PBX4: variants seen among roughly 807,000 people sequenced by gnomAD.
PBX4 encodes the protein PBX homeobox 4.
In PBX4, 26 loss-of-function variants were observed where a neutral mutation model predicts 35.1. The observed-to-expected ratio is 0.74, with a 90% confidence interval of 0.54 to 1.03. The LOEUF (loss-of-function observed/expected upper bound fraction) is 1.03, where lower values mean the gene tolerates loss of function less well. Ranked by LOEUF, PBX4 falls within the 50% of genes least tolerant of loss-of-function variation. PBX4 has a pLI of 0.00. For synonymous variants in PBX4, 199 were observed against 204.2 expected, an observed-to-expected ratio of 0.97 and a Z score of 0.22; for missense variants, 448 against 504.3, an observed-to-expected ratio of 0.89 and a Z score of 1.07.
In PBX4 at chr19:19,570,850, G is replaced by A. The variant is rs771333215; in HGVS notation, c.194-17C>T. 7 of 1,607,230 alleles carry A rather than the reference G, an allele frequency of 4.4e-6. No individual in the cohort carries two copies. Among genetic ancestry groups the A allele is most frequent in the Middle Eastern group, 1.7e-4 (1 of 6,032 alleles). On this transcript the variant is annotated splice_polypyrimidine_tract_variant and intron_variant, in intron 2 of 7. Coordinates refer to ENST00000251203, the MANE Select transcript of PBX4 (RefSeq NM_025245.3). ...TGCTTACCACTAGATAAGAGAGACC[G>A]GGACAAGTCACAATTCATTTTCTGG... is the stretch of plus-strand genomic sequence containing the variant.
At chr19:19,602,175 G>A (rs2061601790) in intron 1 of PBX4, among the ~76,000 whole-genome samples, 1 of 152,144 alleles carries the variant, frequency 6.6e-6, no homozygotes, top group Non-Finnish European at 1.5e-5. Flanking sequence ...GCTCACGCCT[G>A]TAATCTCAGC....
rs2061322389 is a variant in PBX4, at chr19:19,563,637, G to C, written c.926-22C>G. 6.5e-7 allele frequency: 1 copy of C among 1,542,950 alleles called. No homozygotes were observed. Among genetic ancestry groups the C allele is most frequent in the Non-Finnish European group, 8.8e-7 (1 of 1,141,714 alleles). On this transcript the variant is annotated intron_variant, in intron 6 of 7. Coordinates refer to ENST00000251203, the MANE Select transcript of PBX4 (RefSeq NM_025245.3). The surrounding 1 kb of genome is among the most constrained non-coding windows in gnomAD (Gnocchi z 5.1). The stretch of plus-strand genomic sequence containing the variant: ...GAGCCTGGAAGAGATGGGAGCCGGG[G>C]TGGGCAGAGTCGTGGCGCCTCCTCA...
At chr19:19,597,943 A>C (rs547069932) in intron 2 of PBX4, among the ~76,000 whole-genome samples, 1 of 152,172 alleles carries the variant, frequency 6.6e-6, no homozygotes, top group African/African-American at 2.4e-5. Context: ...CTTCAGTCCA[A>C]TCTAGAGGAA....
At chr19:19,569,153 G>T (rs982457618) in intron 5 of PBX4, among the ~76,000 whole-genome samples, 4 of 152,072 alleles carry the variant, frequency 2.6e-5, no homozygotes, top group Non-Finnish European at 4.4e-5. Context: ...CACCCTCCTG[G>T]GCTCAAGTGA....
At chr19:19,596,362 GAATA>G (rs58051660) in intron 2 of PBX4, among the ~76,000 whole-genome samples, 19 of 149,024 alleles carry the variant, frequency 1.3e-4, no homozygotes, top group South Asian at 8.5e-4. Flanking sequence ...AACAGAGTGA[GAATA>G]AATAAATAAA....
At position 19,588,609 on chromosome 19, in the gene PBX4, A is replaced by T. The variant is rs79178529; in HGVS notation, c.193+10683T>A. 6.5e-3 allele frequency among the ~76,000 whole-genome samples: 996 copies of T among 152,268 alleles called. 9 individuals are homozygous for T. The highest frequency in any genetic ancestry group is 0.023 in the African/African-American group (953 of 41,534). Reference sequence around the variant, plus strand: ...CATCTGAAGAAATGCTCTAATTTCAAACAACAACAAATGAGAGCCATGGGG... The same window carrying T: ...CATCTGAAGAAATGCTCTAATTTCATACAACAACAAATGAGAGCCATGGGG... On this transcript the variant is annotated intron_variant, in intron 2 of 7. Transcript: ENST00000251203.
intron 2 of PBX4, among the ~76,000 whole-genome samples, chr19:19,584,808 TAGAG>T (rs1352789905): frequency 1.2e-4 from 18 of 151,784 alleles, no homozygotes; most frequent in Non-Finnish European, 1.9e-4. Context: ...GTATTTTTAG[TAGAG>T]ATGGGGTTTC....
intron 2 of PBX4, among the ~76,000 whole-genome samples, chr19:19,587,222 C>T (rs1273333937): frequency 1.3e-5 from 2 of 151,714 alleles, no homozygotes; most frequent in African/African-American, 2.4e-5. Context: ...AAAATAAACA[C>T]GAACTTTATT....
At position 19,563,511 on chromosome 19, in the gene PBX4, G is replaced by A. The variant is rs1290348283; in HGVS notation, c.1030C>T (p.Gln344Ter). The change falls in exon 7 of 8, where the codon CAG becomes TAG. Residue 344 changes from glutamine (Q) to a stop codon, truncating the protein, a stop_gained and splice_region_variant. Coordinates refer to ENST00000251203, the MANE Select transcript of PBX4 (RefSeq NM_025245.3). LOFTEE classifies it low-confidence loss of function (END_TRUNC). The surrounding 1 kb of genome is among the most constrained non-coding windows in gnomAD (Gnocchi z 5.1). ...PPPGGGCLQSQAQGSWQGATP... is the reference protein window; with the variant it reads ...PPPGGGCLQS ...GTGGGACAGTGCCTGAGACTCACCT[G>A]GGACTGCAGGCAGCCTCCCCCAGGA... 1.2e-5 allele frequency: 18 copies of A among 1,548,678 alleles called. No homozygotes were observed. The highest frequency in any genetic ancestry group is 5.5e-5 in the African/African-American group (4 of 73,120).
intron 2 of PBX4, among the ~76,000 whole-genome samples, chr19:19,592,773 A>G (rs1056545557): frequency 3.3e-5 from 5 of 152,226 alleles, no homozygotes; most frequent in African/African-American, 4.8e-5. Context: ...AACATAGCGC[A>G]TCCTAGACCC....
chr19:19,599,292 C>T lies in PBX4; in HGVS notation c.193G>A (p.Val65Met). The stretch of plus-strand genomic sequence containing the variant: ...AGAAAGTGTCTTCTAAACAGCCTAC[C>T]TGTCTTTTCCTTGATCTCACAGAGC... Reference protein sequence around the residue: ...SVLCEIKEKTVVSIRGIQDED... With the variant: ...SVLCEIKEKTMVSIRGIQDED... Residue 65 changes from valine (V) to methionine (M), a missense_variant and splice_region_variant, in exon 2 of 8, where the codon GTG (valine) becomes ATG (methionine). Physicochemically the swap from Val to Met is conservative, Grantham distance 21. Coordinates refer to ENST00000251203, the MANE Select transcript of PBX4 (RefSeq NM_025245.3). 3 of 1,611,888 alleles carry T rather than the reference C, an allele frequency of 1.9e-6. No individual in the cohort carries two copies. The highest frequency in any genetic ancestry group is 2.5e-6 in the Non-Finnish European group (3 of 1,178,434).
intron 1 of PBX4, among the ~76,000 whole-genome samples, chr19:19,608,968 G>C (rs990541059): frequency 6.6e-6 from 1 of 152,132 alleles, no homozygotes; most frequent in African/African-American, 2.4e-5. Context: ...CCCAGCACCA[G>C]ACCTGGCACA....
At chr19:19,588,363 G>T in intron 2 of PBX4, 1 of 1,328,412 alleles carries the variant, frequency 7.5e-7, no homozygotes. Flanking sequence ...GTCATCTGAT[G>T]GCAACACCAG....
chr19:19,576,345 C>A (rs2061419425), intron 2 of PBX4, among the ~76,000 whole-genome samples: 1 of 152,118 alleles, frequency 6.6e-6, no homozygotes. Flanking sequence ...CCTGCCTCAG[C>A]CTCCCAAGTA....
intron 5 of PBX4, 115 bp downstream of exon 5, chr19:19,569,334 C>A: frequency 7.4e-7 from 1 of 1,353,864 alleles, no homozygotes. Flanking sequence ...TGCTGGGATT[C>A]CAGCAGCCAT....
At chr19:19,569,410 C>A (rs779060002) in intron 5 of PBX4, 39 bp downstream of exon 5, 6 of 1,585,808 alleles carry the variant, frequency 3.8e-6, no homozygotes, top group Admixed American at 1.8e-5. Flanking sequence ...TCATCCACTC[C>A]TCCCAGGCGT....
intron 1 of PBX4, among the ~76,000 whole-genome samples, chr19:19,600,088 G>A (rs980821105): frequency 6.6e-6 from 1 of 152,016 alleles, no homozygotes; most frequent in African/African-American, 2.4e-5. Flanking sequence ...GTTGCAGTGA[G>A]CCAAGATTGT....
At chr19:19,585,570 G>T (rs2144742949) in intron 2 of PBX4, among the ~76,000 whole-genome samples, 1 of 152,206 alleles carries the variant, frequency 6.6e-6, no homozygotes, top group East Asian at 1.9e-4. Flanking sequence ...CCCAAGCTAA[G>T]CCATCATATC....
At chr19:19,594,656 C>T (rs1000384065) in intron 2 of PBX4, among the ~76,000 whole-genome samples, 1 of 152,120 alleles carries the variant, frequency 6.6e-6, no homozygotes, top group Admixed American at 6.6e-5. Flanking sequence ...ATTGGTTTCT[C>T]GTTCAGCCCC....
Sources: gnomAD v4.1 joint callset for allele counts (sites outside exome capture counted in the v4.1 genomes callset) on GRCh38, gnomAD v4.1.1 for gene constraint, Gnocchi (gnomAD v3.1) non-coding constraint, MANE v1.5 for transcripts, NCBI Gene and HGNC (gene_info 2026-07-23, HGNC 2026-07-21) for gene names.